Variants in SHQ1 observed in about 807,000 individuals in gnomAD.
SHQ1 encodes the protein SHQ1, H/ACA ribonucleoprotein assembly factor, also known as protein SHQ1 homolog.
SHQ1 carries 49 observed loss-of-function variants against 53.8 expected under a neutral mutation model. The observed-to-expected ratio is 0.91, with a 90% CI of 0.72 to 1.16. The LOEUF is 1.16. Ranked by LOEUF, SHQ1 falls within the 50% of genes most tolerant of loss-of-function variation. SHQ1 has a pLI of 0.00. For synonymous variants in SHQ1, 243 were observed against 251.0 expected (o/e 0.97, Z 0.30); for missense variants, 738 against 683.1 (o/e 1.08, Z -0.90).
At position 72,750,342 on chromosome 3, in the gene SHQ1, G is replaced by A. The variant is rs1398870513; in HGVS notation, c.1676C>T (p.Thr559Ile). Residue 559 changes from threonine (T) to isoleucine (I), a missense_variant, in exon 11 of 11, where the codon ACT becomes ATT. Physicochemically the swap from Thr to Ile is moderately conservative, Grantham distance 89. Transcript: ENST00000325599. ...CTGAATATTGCTGCGGTTTACAGCA[G>A]TGGTGCCCTTGGGTTCAGAAACCTG... ...TVQVSEPKGT[T>I]AVNRSNIQER... The A allele has an allele frequency of 6.2e-7, 1 of 1,614,202 alleles. No individual in the cohort carries two copies. The highest frequency in any genetic ancestry group is 2.2e-5 in the East Asian group (1 of 44,882).
chr3:72,786,182 C>A (rs146466651), intron 10 of SHQ1, among the ~76,000 whole-genome samples: 1 of 152,178 alleles, frequency 6.6e-6, no homozygotes, highest in Non-Finnish European at 1.5e-5. Context: ...TTCTCACTCA[C>A]CTGGCTCAGG....
intron 10 of SHQ1, among the ~76,000 whole-genome samples, chr3:72,756,216 T>C (rs1025441969): frequency 1.3e-5 from 2 of 152,160 alleles, no homozygotes; most frequent in African/African-American, 4.8e-5. Flanking sequence ...ATTTTGATAC[T>C]CTCAACAAAC....
chr3:72,776,943 C>G (rs1186277571), intron 10 of SHQ1, among the ~76,000 whole-genome samples: 1 of 152,040 alleles, frequency 6.6e-6, no homozygotes, highest in Non-Finnish European at 1.5e-5. Context: ...GTGAGCACTG[C>G]AGGATGTATG....
chr3:72,846,226 G>A (rs1708323925), intron 1 of SHQ1: 1 of 1,535,246 alleles, frequency 6.5e-7, no homozygotes, highest in Non-Finnish European at 8.7e-7. Context: ...TGGGGCCTCC[G>A]CAGCTACAGT....
chr3:72,753,925 C>T (rs1336325622), intron 10 of SHQ1, among the ~76,000 whole-genome samples: 1 of 152,184 alleles, frequency 6.6e-6, no homozygotes, highest in Non-Finnish European at 1.5e-5. Context: ...AGAACTAGTA[C>T]ACCACTCTGT....
At chr3:72,734,546 GA>G in the SHQ1 span, among the ~76,000 whole-genome samples, 1 of 151,572 alleles carries the variant, frequency 6.6e-6, no homozygotes, top group Admixed American at 6.6e-5. Context: ...GTGAGCCACT[GA>G]GCCCGGCCTA....
At chr3:72,847,736 C>A (rs1708391143) in intron 1 of SHQ1, among the ~76,000 whole-genome samples, 1 of 151,926 alleles carries the variant, frequency 6.6e-6, no homozygotes, top group South Asian at 2.1e-4. Context: ...AAGTAGGGAG[C>A]GGACAGACAA....
intron 8 of SHQ1, among the ~76,000 whole-genome samples, chr3:72,813,779 A>T (rs1342964523): frequency 6.7e-6 from 1 of 149,890 alleles, no homozygotes; most frequent in Non-Finnish European, 1.5e-5. Flanking sequence ...AAAAAAAAAA[A>T]AATACATAGA....
chr3:72,729,655 A>G, the SHQ1 span, among the ~76,000 whole-genome samples: 2 of 152,240 alleles, frequency 1.3e-5, no homozygotes, highest in Non-Finnish European at 2.9e-5. Context: ...AACACAATTT[A>G]TGGGTTGGTT....
chr3:72,791,721 G>GTT (rs201572827), intron 10 of SHQ1, among the ~76,000 whole-genome samples: 7 of 148,488 alleles, frequency 4.7e-5, no homozygotes, highest in African/African-American at 1.7e-4. Context: ...TTTTTGTTTT[G>GTT]TTTTTTTTTT....
At chr3:72,800,405 TCTTC>T (rs1706751566) in intron 9 of SHQ1, among the ~76,000 whole-genome samples, 1 of 152,228 alleles carries the variant, frequency 6.6e-6, no homozygotes, top group South Asian at 2.1e-4. Context: ...TTAGGTACTT[TCTTC>T]CTTGTTTCAT....
intron 10 of SHQ1, among the ~76,000 whole-genome samples, chr3:72,789,213 T>C (rs1706358731): frequency 6.6e-6 from 1 of 152,200 alleles, no homozygotes; most frequent in Non-Finnish European, 1.5e-5. Context: ...GCTAAGGTCA[T>C]ACGGTCAATG....
In SHQ1 at chr3:72,844,346, C is replaced by T. The variant is rs376348348; in HGVS notation, c.208+13G>A. On this transcript the variant is annotated intron_variant, in intron 2 of 10. Transcript: ENST00000325599. ...CCCAAGAAATAAACTAACAAAAATT[C>T]CAAAGACAATACCTTTATCTGCATC... 7 of 1,609,024 alleles carry T rather than the reference C, an allele frequency of 4.4e-6. No individual in the cohort carries two copies. Among genetic ancestry groups the T allele is most frequent in the Non-Finnish European group, 5.9e-6 (7 of 1,176,684 alleles).
At chr3:72,789,445 G>T (rs867631050) in intron 10 of SHQ1, among the ~76,000 whole-genome samples, 1 of 152,064 alleles carries the variant, frequency 6.6e-6, no homozygotes, top group Non-Finnish European at 1.5e-5. Flanking sequence ...GAAGCCAAAG[G>T]GTTGGATACC....
At chr3:72,771,039 T>C (rs988167300) in intron 10 of SHQ1, among the ~76,000 whole-genome samples, 3 of 152,204 alleles carry the variant, frequency 2.0e-5, no homozygotes, top group African/African-American at 7.2e-5. Flanking sequence ...TCTAGACTCA[T>C]ATTTGACCTT....
In SHQ1 at chr3:72,750,500, A is replaced by T. The variant is rs1263012698; in HGVS notation, c.1518T>A (p.Asp506Glu). ...TGGCTGTGTTTCTGCGTACTCCACC[A>T]TCAACAATAAGAAAGGCACTGCTTT... ...LEESSAFLIV[D>E]GGVRRNTAIQ... The change falls in exon 11 of 11, where the codon GAT becomes GAA. Residue 506 changes from aspartate (D) to glutamate (E), a missense_variant. By Grantham distance (45) the Asp-to-Glu change is conservative. Coordinates refer to ENST00000325599, the MANE Select transcript of SHQ1 (RefSeq NM_018130.3). 6.2e-7 allele frequency: 1 copy of T among 1,614,196 alleles called. No homozygotes were observed. Among genetic ancestry groups the T allele is most frequent in the East Asian group, 2.2e-5 (1 of 44,890 alleles).
At chr3:72,847,910 G>T (rs1708399817) in intron 1 of SHQ1, among the ~76,000 whole-genome samples, 1 of 152,094 alleles carries the variant, frequency 6.6e-6, no homozygotes. Context: ...CGAGAACTAG[G>T]GCGACAGGGC....
chr3:72,832,219 T>C (rs1707843470), intron 5 of SHQ1, 150 bp downstream of exon 5: 4 of 624,120 alleles, frequency 6.4e-6, no homozygotes, highest in South Asian at 2.0e-5. Context: ...ACAACCATTG[T>C]AGGTTAATTC....
chr3:72,733,527 A>G, the SHQ1 span, among the ~76,000 whole-genome samples: 2 of 151,726 alleles, frequency 1.3e-5, no homozygotes, highest in Non-Finnish European at 2.9e-5. Context: ...AAGAAAAAGT[A>G]TAAGGGCTCG....
Sources: gnomAD v4.1 joint callset for allele counts (sites outside exome capture counted in the v4.1 genomes callset) on GRCh38, gnomAD v4.1.1 for gene constraint, MANE v1.5 for transcripts, NCBI Gene and HGNC (gene_info 2026-07-23, HGNC 2026-07-21) for gene names.